EYS: variants seen among roughly 807,000 people sequenced by gnomAD.
EYS encodes the protein protein eyes shut homolog.
EYS carries 250 observed loss-of-function variants against 282.1 expected under a neutral mutation model. That is an observed-to-expected ratio of 0.89 (90% CI 0.80 to 0.98). The LOEUF is 0.98. EYS is among the 50% of genes least tolerant of loss of function. EYS has a pLI of 0.00. For synonymous variants in EYS, 1,355 were observed against 1,282.9 expected (o/e 1.06, Z -1.20); for missense variants, 4,016 against 3,709.0 (o/e 1.08, Z -2.15).
At chr6:65,101,042 G>T (rs1244701101) in intron 12 of EYS, among the ~76,000 whole-genome samples, 1 of 151,004 alleles carries the variant, frequency 6.6e-6, no homozygotes. Flanking sequence ...TGCAGGAGTT[G>T]GGATTCAAGA....
At chr6:64,000,232 C>A (rs1249125667) in intron 33 of EYS, among the ~76,000 whole-genome samples, 17 of 117,484 alleles carry the variant, frequency 1.4e-4, no homozygotes, top group African/African-American at 5.8e-4. Context: ...CGCTCTGTCG[C>A]CCAGGCTGGA....
rs774188028 is a variant in EYS at position 63,984,562 on chromosome 6, A to G, written c.6876T>C (p.Asn2292=). ...ESMFLGHIPA[N]VQIHKKAGPV... ...GACCTGCTTTCTTATGAATTTGAAC[A>G]TTTGCAGGAATATGGCCAAGGAACA... is the stretch of plus-strand genomic sequence containing the variant. The change falls in exon 35 of 43, where the codon AAT becomes AAC. Residue 2292 remains asparagine (N), a synonymous_variant. Transcript: ENST00000503581. The G allele has an allele frequency of 6.8e-5, 105 of 1,549,504 alleles. No homozygotes were observed. The Admixed American group carries it at 7.9e-4, about 12-fold the overall frequency.
intron 11 of EYS, among the ~76,000 whole-genome samples, chr6:65,315,529 A>G (rs1294969746): frequency 6.6e-6 from 1 of 151,894 alleles, no homozygotes; most frequent in African/African-American, 2.4e-5. Flanking sequence ...AACTTTCTAT[A>G]AATGAAATCA....
chr6:65,521,625 A>G (rs1027518183), intron 2 of EYS, among the ~76,000 whole-genome samples: 4 of 152,192 alleles, frequency 2.6e-5, no homozygotes, highest in African/African-American at 9.6e-5. Flanking sequence ...AATTTTGACA[A>G]TTTGAATAAG....
chr6:64,867,514 C>A (rs1484451320), intron 19 of EYS, among the ~76,000 whole-genome samples: 2 of 151,626 alleles, frequency 1.3e-5, no homozygotes, highest in African/African-American at 4.8e-5. Flanking sequence ...ACACATAGAG[C>A]AAAAATCTGT....
chr6:65,062,766 G>A (rs1032037708), intron 12 of EYS, among the ~76,000 whole-genome samples: 5 of 152,046 alleles, frequency 3.3e-5, no homozygotes, highest in Admixed American at 2.6e-4. Context: ...TTCTTATCCA[G>A]TTTTTGGTGT....
chr6:64,864,942 G>T (rs9342440), intron 19 of EYS, among the ~76,000 whole-genome samples: 23,541 of 151,684 alleles, frequency 0.16, 2,149 homozygotes, highest in East Asian at 0.49. Context: ...AGGCTGAGGC[G>T]AATTGCTTGC....
intron 36 of EYS, among the ~76,000 whole-genome samples, chr6:63,835,261 A>G (rs78334112): frequency 7.7e-5 from 9 of 117,262 alleles, no homozygotes; most frequent in South Asian, 4.8e-4. Flanking sequence ...CTGTGTGTGT[A>G]TATATATATA....
chr6:65,359,735 CTCTT>C (rs923621491), intron 8 of EYS, among the ~76,000 whole-genome samples: 2 of 151,948 alleles, frequency 1.3e-5, no homozygotes, highest in African/African-American at 2.4e-5. Flanking sequence ...TCACCTCTCT[CTCTT>C]TCTCTTTTTT....
intron 31 of EYS, among the ~76,000 whole-genome samples, chr6:64,099,704 T>C (rs576088488): frequency 6.6e-6 from 1 of 152,218 alleles, no homozygotes; most frequent in African/African-American, 2.4e-5. Context: ...CTTAGGAAAG[T>C]TTCATGGGTC....
chr6:63,842,223 C>A (rs761436678), intron 36 of EYS, among the ~76,000 whole-genome samples: 1 of 152,174 alleles, frequency 6.6e-6, no homozygotes, highest in Non-Finnish European at 1.5e-5. Context: ...TGCACTCCCA[C>A]CAACAGTGTA....
chr6:65,220,175 A>G, intron 12 of EYS, among the ~76,000 whole-genome samples: 1 of 152,162 alleles, frequency 6.6e-6, no homozygotes, highest in Non-Finnish European at 1.5e-5. Context: ...GTTTACATCA[A>G]AAAGACTACT....
chr6:65,358,599 AGT>A (rs61588307), intron 8 of EYS, among the ~76,000 whole-genome samples: 4,440 of 140,868 alleles, frequency 0.032, 123 homozygotes, highest in African/African-American at 0.076. Flanking sequence ...AGGTTTCTGA[AGT>A]GTGTGTGTGT....
chr6:64,383,162 A>G (rs991138649), intron 29 of EYS, among the ~76,000 whole-genome samples: 2 of 152,068 alleles, frequency 1.3e-5, no homozygotes, highest in Non-Finnish European at 2.9e-5. Flanking sequence ...ATAGCAGGGT[A>G]TGGTGGTACA....
At chr6:64,005,303 C>T (rs1017043954) in intron 33 of EYS, among the ~76,000 whole-genome samples, 50 of 152,060 alleles carry the variant, frequency 3.3e-4, no homozygotes, top group Admixed American at 1.3e-4. Flanking sequence ...GTTCTTTGCC[C>T]ACTTTTTAGT....
intron 31 of EYS, among the ~76,000 whole-genome samples, chr6:64,115,818 G>A (rs968089889): frequency 5.9e-5 from 9 of 152,178 alleles, no homozygotes; most frequent in East Asian, 1.9e-4. Context: ...CACACACACC[G>A]TAATATTCTA....
intron 2 of EYS, among the ~76,000 whole-genome samples, chr6:65,637,581 T>C (rs1767133901): frequency 6.6e-6 from 1 of 152,168 alleles, no homozygotes; most frequent in Non-Finnish European, 1.5e-5. Context: ...CACTGCACTC[T>C]TGGGGGCCCA....
At chr6:64,545,166 T>G (rs894053891) in intron 26 of EYS, among the ~76,000 whole-genome samples, 2 of 152,140 alleles carry the variant, frequency 1.3e-5, no homozygotes, top group African/African-American at 4.8e-5. Flanking sequence ...AAAAAGCTTA[T>G]CCACCATGAT....
At chr6:64,094,849 G>A (rs185394871) in intron 31 of EYS, among the ~76,000 whole-genome samples, 10 of 152,100 alleles carry the variant, frequency 6.6e-5, no homozygotes, top group Non-Finnish European at 1.0e-4. Context: ...TGATGTTAGG[G>A]TGTCAATTTT....
Sources: allele counts gnomAD v4.1 joint callset (sites outside exome capture counted in the v4.1 genomes callset), GRCh38; gene constraint gnomAD v4.1.1; transcripts MANE v1.5; gene names NCBI Gene and HGNC (gene_info 2026-07-23, HGNC 2026-07-21).